The following PEX5 variants were observed in gnomAD, a reference collection of about 807,000 sequenced individuals.
The protein encoded by PEX5 is peroxisomal biogenesis factor 5.
Under a neutral mutation model 82.9 loss-of-function variants are expected in PEX5, and 52 were observed. The ratio of observed to expected loss-of-function variants is 0.63; its 90% CI spans 0.50 to 0.79. The LOEUF (loss-of-function observed/expected upper bound fraction) is 0.79. Ranked by LOEUF, PEX5 falls within the 30% of genes least tolerant of loss-of-function variation. The probability of loss-of-function intolerance (pLI) is 0.00; values close to 1 mark genes in which losing one functional copy is unlikely to be tolerated. For synonymous variants in PEX5, 300 were observed against 318.8 expected (o/e 0.94, Z 0.63); for missense variants, 719 against 815.2 (o/e 0.88, Z 1.44).
In PEX5 at chr12:7,207,641, C is replaced by T. The variant is rs1944977827; in HGVS notation, c.967-18C>T. ...CGGTGCCACCTCTCAGTCCATCTCT[C>T]ACGTGCTTTTCTTGTAGGGGTACCA... On this transcript the variant is annotated intron_variant, in intron 10 of 15. Coordinates refer to ENST00000675855, the MANE Select transcript of PEX5 (RefSeq NM_001351132.2). 3 of 1,613,730 alleles carry T rather than the reference C, an allele frequency of 1.9e-6. No individual in the cohort carries two copies. The highest frequency in any genetic ancestry group is 2.2e-5 in the East Asian group (1 of 44,882).
At chr12:7,196,461 AT>A (rs1942295822) in intron 5 of PEX5, among the ~76,000 whole-genome samples, 1 of 136,660 alleles carries the variant, frequency 7.3e-6, no homozygotes, top group African/African-American at 2.6e-5. Flanking sequence ...TATGTGTCAT[AT>A]ATAATGTAAT....
chr12:7,210,031 G>A lies in PEX5; in HGVS notation c.1728G>A (p.Val576=), dbSNP rs1945352286. The A allele has an allele frequency of 3.1e-6, 5 of 1,614,070 alleles. No individual in the cohort carries two copies. Among genetic ancestry groups the A allele is most frequent in the African/African-American group, 2.7e-5 (2 of 74,924 alleles). Reference sequence around the variant, plus strand: ...CTCTTCTTCCTTACAGGGAGGCTGTGGAGCACTTTCTGGAGGCCCTGAACA... The same window carrying A: ...CTCTTCTTCCTTACAGGGAGGCTGTAGAGCACTTTCTGGAGGCCCTGAACA... The part of the protein sequence containing the change: ...CINLGAHREA[V]EHFLEALNMQ... The change falls in exon 16 of 16, where the codon GTG becomes GTA. Residue 576 remains valine, a synonymous_variant. Coordinates refer to ENST00000675855, the MANE Select transcript of PEX5 (RefSeq NM_001351132.2).
intron 6 of PEX5, among the ~76,000 whole-genome samples, chr12:7,199,361 G>A (rs1248275986): frequency 6.6e-6 from 1 of 151,172 alleles, no homozygotes; most frequent in East Asian, 1.9e-4. Context: ...GCCTTCCGCA[G>A]TGTTTGTGTC....
chr12:7,198,315 T>TATC (rs1289558041), intron 5 of PEX5, among the ~76,000 whole-genome samples: 1 of 152,196 alleles, frequency 6.6e-6, no homozygotes, highest in Admixed American at 6.5e-5. Context: ...AAACGTTCTG[T>TATC]ATCTTGATCC....
intron 10 of PEX5, among the ~76,000 whole-genome samples, chr12:7,205,885 A>G (rs1239145748): frequency 1.3e-5 from 2 of 152,226 alleles, no homozygotes; most frequent in Non-Finnish European, 2.9e-5. Flanking sequence ...GCTGTCATAT[A>G]CAGGCCATCA....
At chr12:7,201,132 C>CGT (rs1330061030) in intron 6 of PEX5, among the ~76,000 whole-genome samples, 2 of 129,794 alleles carry the variant, frequency 1.5e-5, no homozygotes, top group Non-Finnish European at 3.3e-5. Context: ...TGCATGTGTG[C>CGT]GTGCACACAC....
chr12:7,208,825 C>T (rs1945151002), intron 13 of PEX5, among the ~76,000 whole-genome samples, 156 bp downstream of exon 13: 1 of 152,134 alleles, frequency 6.6e-6, no homozygotes, highest in Admixed American at 6.5e-5. Flanking sequence ...CTGCATTCTA[C>T]AGTTCAGTGC....
intron 17 of PEX5, among the ~76,000 whole-genome samples, chr12:7,216,801 T>C (rs1274449257): frequency 5.9e-5 from 9 of 152,194 alleles, no homozygotes; most frequent in Admixed American, 5.9e-4. Context: ...TTCTTTTGTA[T>C]TTTTTCTTGT....
chr12:7,202,831 T>C, intron 9 of PEX5, 127 bp downstream of exon 9: 1 of 774,418 alleles, frequency 1.3e-6, no homozygotes, highest in Non-Finnish European at 2.3e-6. Flanking sequence ...GTGTCAGAGT[T>C]GCTTGGGGAT....
In PEX5 at chr12:7,202,651, G is replaced by C. The variant is rs776020873; in HGVS notation, c.793G>C (p.Val265Leu). Residue 265 changes from valine (V) to leucine (L), a missense_variant, in exon 9 of 16, where the codon GTA (valine) becomes CTA (leucine). Val to Leu is a conservative substitution (Grantham distance 32). Coordinates refer to ENST00000675855, the MANE Select transcript of PEX5 (RefSeq NM_001351132.2). The stretch of plus-strand genomic sequence containing the variant: ...CTGGGTTGACCAGTTCACAAGACCA[G>C]TAAACACATCTGCCCTTGATATGGA... Reference protein sequence around the residue: ...DAWVDQFTRPVNTSALDMEFE... With the variant: ...DAWVDQFTRPLNTSALDMEFE... 1.9e-6 allele frequency: 3 copies of C among 1,614,064 alleles called. No homozygotes were observed. The South Asian group carries it at 3.3e-5, about 18-fold the overall frequency.
chr12:7,201,046 G>A (rs1293604535), intron 6 of PEX5, among the ~76,000 whole-genome samples: 1 of 152,136 alleles, frequency 6.6e-6, no homozygotes, highest in Non-Finnish European at 1.5e-5. Flanking sequence ...GAGGTGGGAG[G>A]ATTGCTTGGG....
At chr12:7,212,851 C>G (rs1343822924), downstream of PEX5, 2 of 152,224 alleles carry the variant, frequency 1.3e-5, no homozygotes, top group African/African-American at 4.8e-5. Context: ...CACGAGGCAG[C>G]TGGTGTCTTG....
intron 5 of PEX5, among the ~76,000 whole-genome samples, chr12:7,194,437 CAG>C (rs1377095152): frequency 6.6e-6 from 1 of 152,192 alleles, no homozygotes; most frequent in African/African-American, 2.4e-5. Flanking sequence ...TTTCAATCCT[CAG>C]AGTTTATTAG....
At chr12:7,192,206 A>G (rs12424618) in intron 5 of PEX5, among the ~76,000 whole-genome samples, 63,540 of 152,050 alleles carry the variant, frequency 0.42, 14,949 homozygotes, top group Admixed American at 0.6. Flanking sequence ...CTTTGAATGC[A>G]TTATCTACTT....
intron 17 of PEX5, among the ~76,000 whole-genome samples, chr12:7,218,207 C>T (rs1945834014): frequency 6.6e-6 from 1 of 152,108 alleles, no homozygotes; most frequent in African/African-American, 2.4e-5. Flanking sequence ...TTTAAGAGTC[C>T]TTCCAGGATT....
chr12:7,190,438 G>A lies in PEX5; in HGVS notation c.61G>A (p.Ala21Thr), dbSNP rs748309745. The change falls in exon 2 of 16, where the codon GCC (alanine) becomes ACC (threonine). Residue 21 changes from alanine to threonine, a missense_variant. Physicochemically the swap from Ala to Thr is moderately conservative, Grantham distance 58 (BLOSUM62 0). Transcript: ENST00000675855. Reference sequence around the variant, plus strand: ...GGGTGCCAACCCGCTCATGAAGCTCGCCGGGCACTTCACCCAGGACAAGGC... The same window carrying A: ...GGGTGCCAACCCGCTCATGAAGCTCACCGGGCACTTCACCCAGGACAAGGC... ...CGGANPLMKL[A>T]GHFTQDKALR... 1.9e-6 allele frequency: 3 copies of A among 1,614,160 alleles called. No individual in the cohort carries two copies. Among genetic ancestry groups the A allele is most frequent in the South Asian group, 2.2e-5 (2 of 91,086 alleles).
chr12:7,191,219 C>T lies in PEX5; in HGVS notation c.184-7C>T. ...ATGGGTTCATTTCATCATTTCCCTT[C>T]TGGCAGTTGGTGGCTGAATTCCTGC... On this transcript the variant is annotated splice_polypyrimidine_tract_variant and splice_region_variant and intron_variant, in intron 3 of 15. Transcript: ENST00000675855. 6.2e-7 allele frequency: 1 copy of T among 1,614,198 alleles called. No homozygotes were observed. Among genetic ancestry groups the T allele is most frequent in the Non-Finnish European group, 8.5e-7 (1 of 1,180,032 alleles).
rs1427548693 is a variant in PEX5 at position 7,210,506 on chromosome 12, G to A, written c.*283G>A. On this transcript the variant is annotated 3_prime_UTR_variant, in exon 16 of 16. Coordinates refer to ENST00000675855, the MANE Select transcript of PEX5 (RefSeq NM_001351132.2). ...ATGCCCTTTCTTGGTGCTGCTTTTT[G>A]GGTAGGACCCCACGATTTAGGGTAA... 3.7e-6 allele frequency: 2 copies of A among 542,694 alleles called. No homozygotes were observed. Among genetic ancestry groups the A allele is most frequent in the East Asian group, 3.3e-5 (1 of 30,292 alleles). 33.6% of individuals were successfully genotyped at this position (542,694 alleles called of 1,614,324 possible). A position where few individuals can be genotyped will look rare whatever the true frequency, so the allele number is the denominator to read the frequency against.
At position 7,210,278 on chromosome 12, in the gene PEX5, G is replaced by A. The variant is rs1945404958; in HGVS notation, c.*55G>A. ...ACCTGGAGGGATCCCCGCTTTGGAT[G>A]TGATTCCCTCTCCCCAAATGGGCCT... On this transcript the variant is annotated 3_prime_UTR_variant, in exon 16 of 16. Coordinates refer to ENST00000675855, the MANE Select transcript of PEX5 (RefSeq NM_001351132.2). The A allele has an allele frequency of 3.2e-6, 5 of 1,550,672 alleles. No individual in the cohort carries two copies. Among genetic ancestry groups the A allele is most frequent in the Non-Finnish European group, 2.7e-6 (3 of 1,125,588 alleles).
Sources: gnomAD v4.1 joint callset for allele counts (sites outside exome capture counted in the v4.1 genomes callset) on GRCh38, gnomAD v4.1.1 for gene constraint, MANE v1.5 for transcripts, NCBI Gene and HGNC (gene_info 2026-07-23, HGNC 2026-07-21) for gene names.